Variants in CHRNB3 observed in about 807,000 individuals in gnomAD.
CHRNB3 encodes the protein neuronal acetylcholine receptor subunit beta-3.
In CHRNB3, 37 loss-of-function variants were observed where a neutral mutation model predicts 40.6. That is an observed-to-expected ratio of 0.91 (90% CI 0.70 to 1.20). The LOEUF is 1.20. Among genes scored for constraint, CHRNB3 ranks in the 50% most tolerant of loss-of-function variants. CHRNB3 has a pLI of 0.00. For synonymous variants in CHRNB3, 207 were observed against 207.1 expected (o/e 1.00, Z 0.00); for missense variants, 505 against 551.2 (o/e 0.92, Z 0.84).
intron 5 of CHRNB3, among the ~76,000 whole-genome samples, chr8:42,734,756 T>C (rs1267841393): frequency 6.6e-6 from 1 of 151,994 alleles, no homozygotes; most frequent in African/African-American, 2.4e-5. Flanking sequence ...ACATTTTCTC[T>C]TGCGTTCACA....
intron 3 of CHRNB3, among the ~76,000 whole-genome samples, chr8:42,716,561 A>C (rs1816110805): frequency 6.6e-6 from 1 of 151,984 alleles, no homozygotes; most frequent in Admixed American, 6.6e-5. Context: ...GCATATTTAT[A>C]CCCACCTTTA....
intron 1 of CHRNB3, among the ~76,000 whole-genome samples, chr8:42,700,978 C>A (rs1815783651): frequency 6.7e-6 from 1 of 148,570 alleles, no homozygotes; most frequent in African/African-American, 2.6e-5. Flanking sequence ...CGTCTGTAAT[C>A]CAGCACTTTG....
Position 42,726,135 on chromosome 8 carries a change from T to C in CHRNB3, c.250-4459T>C, listed in dbSNP as rs548310464. ...TCCTTCTTTGCCAAAAGTGCCTGCT[T>C]TGCCTGGGTGGCTTTGAGGGCTTGA... On this transcript the variant is annotated intron_variant, in intron 3 of 5. Transcript: ENST00000289957. 5.9e-6 allele frequency: 8 copies of C among 1,353,436 alleles called. No individual in the cohort carries two copies. The South Asian group carries it at 9.4e-5, about 16-fold the overall frequency. 83.8% of individuals were successfully genotyped at this position (1,353,436 alleles called of 1,614,324 possible).
intron 1 of CHRNB3, among the ~76,000 whole-genome samples, chr8:42,707,019 A>G: frequency 6.6e-6 from 1 of 152,196 alleles, no homozygotes; most frequent in African/African-American, 2.4e-5. Flanking sequence ...TTAGCCTCCC[A>G]AAGTGCTAGG....
intron 5 of CHRNB3, among the ~76,000 whole-genome samples, chr8:42,734,107 T>G (rs1422615568): frequency 6.7e-6 from 1 of 149,800 alleles, no homozygotes; most frequent in African/African-American, 2.4e-5. Context: ...AATACAAAAA[T>G]TAGCCAGGCG....
intron 3 of CHRNB3, chr8:42,726,110 TC>T: frequency 8.3e-7 from 1 of 1,199,296 alleles, no homozygotes; most frequent in Non-Finnish European, 1.2e-6. Context: ...TTTTCTCTGC[TC>T]CTTCTTTGCC....
At chr8:42,703,438 ATTT>A (rs752952313) in intron 1 of CHRNB3, among the ~76,000 whole-genome samples, 2,112 of 68,902 alleles carry the variant, frequency 0.031, 349 homozygotes, top group Non-Finnish European at 0.042. Context: ...AAAAAAAAAT[ATTT>A]ATATATATAT....
chr8:42,736,701 G>T lies in CHRNB3; in HGVS notation c.*83G>T. Reference sequence around the variant, plus strand: ...AGACAGAATCCAAATGCATGTGCTTGTTCTACGAACCCCGAATGCGTTGTC... The same window carrying T: ...AGACAGAATCCAAATGCATGTGCTTTTTCTACGAACCCCGAATGCGTTGTC... On this transcript the variant is annotated 3_prime_UTR_variant, in exon 6 of 6. Transcript: ENST00000289957. 1 of 1,514,000 alleles carries T rather than the reference G, an allele frequency of 6.6e-7. No individual in the cohort carries two copies. The highest frequency in any genetic ancestry group is 9.1e-7 in the Non-Finnish European group (1 of 1,097,786). The allele number at this position is 1,514,000 out of a possible 1,614,324, so 93.8% of individuals were successfully genotyped here.
intron 1 of CHRNB3, among the ~76,000 whole-genome samples, chr8:42,702,855 T>C (rs1042153973): frequency 6.6e-6 from 1 of 152,066 alleles, no homozygotes; most frequent in South Asian, 2.1e-4. Context: ...CAGCAAAACA[T>C]CAAAAATAGC....
In CHRNB3 at chr8:42,731,901, C is replaced by A. The variant is rs544144336; in HGVS notation, c.594C>A (p.Asn198Lys). 4 of 1,614,028 alleles carry A rather than the reference C, an allele frequency of 2.5e-6. No homozygotes were observed. The highest frequency in any genetic ancestry group is 1.3e-5 in the African/African-American group (1 of 74,956). Residue 198 changes from asparagine to lysine, a missense_variant, in exon 5 of 6, where the codon AAC becomes AAA. Asn to Lys is a moderately conservative substitution (Grantham distance 94, BLOSUM62 0). Transcript: ENST00000289957. ...ENVDRKDFFD[N>K]GEWEILNAKG... The stretch of plus-strand genomic sequence containing the variant: ...TCGACAGAAAAGACTTCTTCGATAA[C>A]GGAGAATGGGAAATACTGAACGCAA...
intron 5 of CHRNB3, among the ~76,000 whole-genome samples, chr8:42,733,286 C>G (rs1042018864): frequency 2.0e-5 from 3 of 151,412 alleles, no homozygotes; most frequent in African/African-American, 4.9e-5. Context: ...AAAGCAAGAC[C>G]CTCATCTCAG....
At chr8:42,714,243 C>G (rs1164240007) in intron 3 of CHRNB3, among the ~76,000 whole-genome samples, 1 of 152,082 alleles carries the variant, frequency 6.6e-6, no homozygotes, top group East Asian at 1.9e-4. Flanking sequence ...CGCCTGTAAT[C>G]CCAGCACTTT....
chr8:42,729,325 G>A (rs1053759262), intron 3 of CHRNB3, among the ~76,000 whole-genome samples: 10 of 152,002 alleles, frequency 6.6e-5, no homozygotes, highest in Admixed American at 2.6e-4. Context: ...CAGGAGAATG[G>A]CGTGAACCTG....
chr8:42,727,743 G>T (rs1474315383), intron 3 of CHRNB3, among the ~76,000 whole-genome samples: 1 of 152,190 alleles, frequency 6.6e-6, no homozygotes, highest in African/African-American at 2.4e-5. Flanking sequence ...TGCACCTGTA[G>T]TCTCAGCTAC....
chr8:42,717,788 C>T (rs1048059055), intron 3 of CHRNB3, among the ~76,000 whole-genome samples: 10 of 146,748 alleles, frequency 6.8e-5, no homozygotes, highest in Non-Finnish European at 3.0e-5. Flanking sequence ...ATAAATGTCA[C>T]TTTCTGTTGC....
At chr8:42,707,152 G>A (rs562529761) in intron 1 of CHRNB3, among the ~76,000 whole-genome samples, 11 of 152,324 alleles carry the variant, frequency 7.2e-5, no homozygotes, top group South Asian at 2.1e-4. Flanking sequence ...GCTGGGAACC[G>A]TCAGAGGACA....
Position 42,732,493 on chromosome 8 carries a change from G to T in CHRNB3, c.1186G>T (p.Ala396Ser), listed in dbSNP as rs1413044039. ...KVLVAFLEKA[A>S]DSIRYISRHV... is the part of the protein sequence containing the mutation. ...TCTAGTTGCTTTTTTGGAAAAAGCT[G>T]CTGATTCCATTAGATACATTTCGAG... Residue 396 changes from alanine (A) to serine (S), a missense_variant, in exon 5 of 6, where the codon GCT (alanine) becomes TCT (serine). Ala to Ser is a moderately conservative substitution (Grantham distance 99). Coordinates refer to ENST00000289957, the MANE Select transcript of CHRNB3 (RefSeq NM_000749.5). 4 of 1,611,354 alleles carry T rather than the reference G, an allele frequency of 2.5e-6. No homozygotes were observed. Among genetic ancestry groups the T allele is most frequent in the Non-Finnish European group, 3.4e-6 (4 of 1,179,526 alleles).
chr8:42,715,764 T>C (rs1159388042), intron 3 of CHRNB3, among the ~76,000 whole-genome samples: 1 of 151,972 alleles, frequency 6.6e-6, no homozygotes, highest in Non-Finnish European at 1.5e-5. Context: ...ATTTTTATTT[T>C]ATTGATTTTA....
At position 42,708,837 on chromosome 8, in the gene CHRNB3, T is replaced by G. The variant is rs1815964107; in HGVS notation, c.173T>G (p.Phe58Cys). The change falls in exon 2 of 6, where the codon TTT (phenylalanine) becomes TGT (cysteine). Residue 58 changes from phenylalanine to cysteine, a missense_variant. By Grantham distance (205) the Phe-to-Cys change is radical (BLOSUM62 -2). Transcript: ENST00000289957. ...TCTAATGACACCATAAAAGTATATT[T>G]TGGATTGAAAATATCCCAGCTTGTA... ...LHSNDTIKVYFGLKISQLVDV... is the reference protein window; with the variant it reads ...LHSNDTIKVYCGLKISQLVDV... 2.5e-6 allele frequency: 4 copies of G among 1,613,636 alleles called. No homozygotes were observed. In the African/African-American group the frequency reaches 5.3e-5, roughly 21 times the overall value.
Sources: allele counts gnomAD v4.1 joint callset (sites outside exome capture counted in the v4.1 genomes callset), GRCh38; gene constraint gnomAD v4.1.1; transcripts MANE v1.5; gene names NCBI Gene and HGNC (gene_info 2026-07-23, HGNC 2026-07-21).